Variants in COLEC12 observed in about 807,000 individuals in gnomAD.
COLEC12 encodes collectin-12.
A neutral mutation model predicts 71.1 loss-of-function variants in COLEC12; 33 were observed. The observed-to-expected ratio is 0.46, with a 90% CI of 0.35 to 0.62. The LOEUF (loss-of-function observed/expected upper bound fraction) is 0.62, where lower values mean the gene tolerates loss of function less well. Among genes scored for constraint, COLEC12 ranks in the 20% least tolerant of loss-of-function variants. The pLI, the probability that COLEC12 is intolerant of heterozygous loss-of-function variation, is 0.00. For synonymous variants in COLEC12, 350 were observed against 353.0 expected (o/e 0.99, Z 0.10); for missense variants, 765 against 916.1 (o/e 0.84, Z 2.13).
intron 2 of COLEC12, among the ~76,000 whole-genome samples, chr18:475,074 C>CA (rs757096561): frequency 9.8e-6 from 1 of 101,602 alleles, no homozygotes; most frequent in African/African-American, 3.9e-5. Flanking sequence ...AACTCCGTCT[C>CA]AAAAATAAAT....
chr18:398,304 A>G (rs1915612351), intron 2 of COLEC12, among the ~76,000 whole-genome samples: 1 of 152,186 alleles, frequency 6.6e-6, no homozygotes, highest in South Asian at 2.1e-4. Context: ...TACCTTTTTA[A>G]TATCAAGGGT....
At chr18:469,835 C>G (rs1380654071) in intron 2 of COLEC12, among the ~76,000 whole-genome samples, 7 of 151,868 alleles carry the variant, frequency 4.6e-5, no homozygotes. Flanking sequence ...TCACTGCCAG[C>G]ATGGACATCT....
At chr18:468,761 C>T (rs371383253) in intron 2 of COLEC12, among the ~76,000 whole-genome samples, 6 of 152,352 alleles carry the variant, frequency 3.9e-5, no homozygotes, top group South Asian at 2.1e-4. Context: ...TGTTATCCCT[C>T]GTTCCATAAC....
intron 2 of COLEC12, among the ~76,000 whole-genome samples, chr18:419,343 C>A (rs982323624): frequency 6.6e-6 from 1 of 152,082 alleles, no homozygotes; most frequent in Non-Finnish European, 1.5e-5. Flanking sequence ...GTAGCTGGGA[C>A]TACAGGCGCA....
chr18:487,044 A>T (rs1917532257), intron 1 of COLEC12, among the ~76,000 whole-genome samples: 1 of 152,252 alleles, frequency 6.6e-6, no homozygotes, highest in Admixed American at 6.5e-5. Context: ...ATTATTCATA[A>T]CAGCAAAAAA....
intron 2 of COLEC12, among the ~76,000 whole-genome samples, chr18:415,515 A>G (rs1185016084): frequency 1.3e-5 from 2 of 151,594 alleles, no homozygotes; most frequent in East Asian, 3.9e-4. Flanking sequence ...CATTTTGTAC[A>G]AGATGCTGTT....
chr18:353,828 A>C (rs955161665), intron 3 of COLEC12, among the ~76,000 whole-genome samples: 18 of 152,170 alleles, frequency 1.2e-4, no homozygotes, highest in Non-Finnish European at 1.2e-4. Flanking sequence ...ACACCATTTT[A>C]GGTTTCCTTA....
At chr18:404,742 T>C (rs1283436381) in intron 2 of COLEC12, among the ~76,000 whole-genome samples, 2 of 152,240 alleles carry the variant, frequency 1.3e-5, no homozygotes, top group Non-Finnish European at 2.9e-5. Flanking sequence ...ACCACTGTGA[T>C]AATTGTGTTA....
rs1197505421 is a variant in COLEC12, at chr18:399,384, C to T, written c.59-41862G>A. On this transcript the variant is annotated intron_variant, in intron 2 of 9. Coordinates refer to ENST00000400256, the MANE Select transcript of COLEC12 (RefSeq NM_130386.3). This position sits in a 1 kb window ranked among gnomAD's most constrained non-coding sequence, Gnocchi z 4.0. ...GAAGGGTTCTCATCACTGTGTAGCG[C>T]GCAGCTCTGTGCCCCTGCCCAGCCA... Among the ~76,000 whole-genome samples, 2 of 152,180 alleles carry T rather than the reference C, an allele frequency of 1.3e-5. No homozygotes were observed. Among genetic ancestry groups the T allele is most frequent in the African/African-American group, 4.8e-5 (2 of 41,426 alleles).
intron 9 of COLEC12, among the ~76,000 whole-genome samples, chr18:321,274 A>G (rs1205222887): frequency 6.6e-6 from 1 of 152,164 alleles, no homozygotes; most frequent in Non-Finnish European, 1.5e-5. Flanking sequence ...GACTGGTCTC[A>G]AACTCCCAAC....
chr18:377,408 A>C (rs1167534057), intron 2 of COLEC12, among the ~76,000 whole-genome samples: 2 of 152,238 alleles, frequency 1.3e-5, no homozygotes, highest in Non-Finnish European at 2.9e-5. Context: ...ACCCCCAGCA[A>C]GCTTGCATTC....
chr18:463,617 C>T (rs886471224), intron 2 of COLEC12, among the ~76,000 whole-genome samples: 3 of 152,120 alleles, frequency 2.0e-5, no homozygotes, highest in East Asian at 1.9e-4. Context: ...CCTGACCCTT[C>T]GGATCTCAGT....
At chr18:338,025 A>G (rs1473113889) in intron 5 of COLEC12, among the ~76,000 whole-genome samples, 1 of 152,080 alleles carries the variant, frequency 6.6e-6, no homozygotes, top group African/African-American at 2.4e-5. Context: ...CCCAGCTCTG[A>G]TCTCCACTTG....
intron 2 of COLEC12, among the ~76,000 whole-genome samples, chr18:438,940 C>T (rs932308937): frequency 6.6e-6 from 1 of 151,926 alleles, no homozygotes; most frequent in African/African-American, 2.4e-5. Context: ...AAAGGGGCAA[C>T]TAAAAGGAAG....
intron 2 of COLEC12, among the ~76,000 whole-genome samples, chr18:427,886 G>C (rs1916227869): frequency 2.6e-5 from 4 of 152,082 alleles, no homozygotes; most frequent in Non-Finnish European, 5.9e-5. Context: ...TGTTTAAGAA[G>C]AACATTGCCT....
chr18:482,046 T>C (rs1015935814), intron 1 of COLEC12, among the ~76,000 whole-genome samples: 8 of 151,940 alleles, frequency 5.3e-5, no homozygotes, highest in African/African-American at 1.9e-4. Flanking sequence ...CGACACGTAG[T>C]TTTTCAATTC....
chr18:490,563 C>T (rs1917602620), intron 1 of COLEC12, among the ~76,000 whole-genome samples: 2 of 152,180 alleles, frequency 1.3e-5, no homozygotes, highest in African/African-American at 4.8e-5. Context: ...AAACTATGTA[C>T]ATCTCTAACT....
At chr18:492,850 A>G (rs1041347638) in intron 1 of COLEC12, among the ~76,000 whole-genome samples, 1 of 152,224 alleles carries the variant, frequency 6.6e-6, no homozygotes, top group Non-Finnish European at 1.5e-5. Context: ...TTTAAGAGAC[A>G]CAATTCAAGA....
chr18:497,272 C>T (rs1248429158), intron 1 of COLEC12, among the ~76,000 whole-genome samples: 3 of 152,196 alleles, frequency 2.0e-5, no homozygotes, highest in Admixed American at 6.5e-5. Flanking sequence ...ATTAGAAAGT[C>T]ACGTTGGTAC....
Sources: gnomAD v4.1 joint callset for allele counts (sites outside exome capture counted in the v4.1 genomes callset) on GRCh38, gnomAD v4.1.1 for gene constraint, Gnocchi (gnomAD v3.1) non-coding constraint, MANE v1.5 for transcripts, NCBI Gene and HGNC (gene_info 2026-07-23, HGNC 2026-07-21) for gene names.